The following NUP58 variants were observed in gnomAD, a reference collection of about 807,000 sequenced individuals.
NUP58 encodes the protein nucleoporin p58/p45.
In NUP58, 17 loss-of-function variants were observed where a neutral mutation model predicts 70.1. The observed-to-expected ratio is 0.24, with a 90% CI of 0.17 to 0.36. The LOEUF (loss-of-function observed/expected upper bound fraction) is 0.36. Among genes scored for constraint, NUP58 ranks in the 10% least tolerant of loss-of-function variants. NUP58 has a pLI of 1.00. For missense variants in NUP58, 644 were observed against 701.5 expected, an observed-to-expected ratio of 0.92 and a Z score of 0.93; for synonymous variants, 275 against 257.6, an observed-to-expected ratio of 1.07 and a Z score of -0.65.
intron 15 of NUP58, among the ~76,000 whole-genome samples, chr13:25,339,495 TATAAA>T (rs2031890426): frequency 1.3e-5 from 2 of 152,216 alleles, no homozygotes; most frequent in African/African-American, 4.8e-5. Flanking sequence ...CAAAAGCTCT[TATAAA>T]ATCAAAACAG....
At chr13:25,330,012 A>G (rs556129085) in intron 12 of NUP58, among the ~76,000 whole-genome samples, 2 of 152,162 alleles carry the variant, frequency 1.3e-5, no homozygotes, top group East Asian at 1.9e-4. Flanking sequence ...AACTTTTTGT[A>G]GAGAGGGGCA....
At chr13:25,345,969 C>A (rs770549920), downstream of NUP58, among the ~76,000 whole-genome samples, 4 of 150,712 alleles carry the variant, frequency 2.7e-5, no homozygotes, top group Admixed American at 2.6e-4. Context: ...ACCAGGCTTA[C>A]AAAGGTTTCA....
chr13:25,321,280 T>A (rs2031174987), intron 9 of NUP58, among the ~76,000 whole-genome samples, 187 bp downstream of exon 9: 1 of 152,214 alleles, frequency 6.6e-6, no homozygotes, highest in Non-Finnish European at 1.5e-5. Context: ...TACAAGACAG[T>A]ATCCTAAGCA....
intron 1 of NUP58, chr13:25,302,868 G>T (rs959604438): frequency 2.3e-6 from 1 of 433,616 alleles, no homozygotes; most frequent in Admixed American, 2.6e-5. Flanking sequence ...TACTCTACTC[G>T]CTCAACAACA....
chr13:25,345,814 C>T (rs2032042491), downstream of NUP58, among the ~76,000 whole-genome samples: 1 of 152,108 alleles, frequency 6.6e-6, no homozygotes, highest in Non-Finnish European at 1.5e-5. Flanking sequence ...GAATGAGAGG[C>T]CGCAACATAC....
At chr13:25,346,311 C>T (rs1374477992), downstream of NUP58, among the ~76,000 whole-genome samples, 1 of 152,074 alleles carries the variant, frequency 6.6e-6, no homozygotes, top group Non-Finnish European at 1.5e-5. Context: ...ATAATATCAC[C>T]ACTCAACTAG....
intron 1 of NUP58, chr13:25,303,269 C>A: frequency 2.7e-6 from 1 of 370,932 alleles, no homozygotes; most frequent in Non-Finnish European, 5.2e-6. Context: ...TCCACTTCTG[C>A]TGGAACCTCT....
At chr13:25,336,126 A>G in intron 13 of NUP58, 2 of 1,299,196 alleles carry the variant, frequency 1.5e-6, no homozygotes, top group Non-Finnish European at 2.0e-6. Flanking sequence ...GTTGGAAAGA[A>G]ACTTCTGAAT....
intron 13 of NUP58, chr13:25,334,411 A>G (rs1301661393): frequency 6.1e-6 from 6 of 985,256 alleles, no homozygotes; most frequent in Non-Finnish European, 7.2e-6. Flanking sequence ...GAGAGCCAAG[A>G]CGTTTTGTTA....
intron 5 of NUP58, among the ~76,000 whole-genome samples, chr13:25,314,985 G>A (rs943335877): frequency 2.0e-5 from 3 of 152,130 alleles, no homozygotes; most frequent in Non-Finnish European, 4.4e-5. Context: ...TCCAAAGTGT[G>A]TTTGTAAGAC....
At chr13:25,302,515 A>G (rs1030418238) in intron 1 of NUP58, among the ~76,000 whole-genome samples, 1 of 152,266 alleles carries the variant, frequency 6.6e-6, no homozygotes, top group Non-Finnish European at 1.5e-5. Context: ...TTTTACTTAA[A>G]TTACAAAACG....
chr13:25,312,803 A>G, intron 3 of NUP58, 80 bp from the exon 4 acceptor site: 1 of 1,390,986 alleles, frequency 7.2e-7, no homozygotes, highest in Non-Finnish European at 9.7e-7. Context: ...AAGGATCCTT[A>G]TTGAAACCAG....
intron 11 of NUP58, 116 bp from the exon 12 acceptor site, chr13:25,327,312 TAG>T (rs1488964695): frequency 1.1e-5 from 7 of 611,250 alleles, no homozygotes; most frequent in Non-Finnish European, 2.0e-5. Context: ...AGAACGTTGA[TAG>T]AGTTTTTTTC....
At chr13:25,314,151 T>A (rs963877254) in intron 5 of NUP58, among the ~76,000 whole-genome samples, 1 of 152,102 alleles carries the variant, frequency 6.6e-6, no homozygotes, top group African/African-American at 2.4e-5. Flanking sequence ...CAAGCTGGTC[T>A]CAAACTTCTG....
chr13:25,320,194 C>T (rs2031121921), intron 7 of NUP58: 1 of 174,592 alleles, frequency 5.7e-6, no homozygotes, highest in African/African-American at 2.4e-5. Flanking sequence ...AATCTTTAAG[C>T]CAGAGGGAAC....
chr13:25,305,352 G>A (rs144151110), intron 1 of NUP58, among the ~76,000 whole-genome samples: 87 of 151,598 alleles, frequency 5.7e-4, no homozygotes, highest in South Asian at 2.9e-3. Context: ...TTGTTTTTTC[G>A]GTAGAGAGAG....
intron 3 of NUP58, among the ~76,000 whole-genome samples, chr13:25,348,597 T>C (rs2032075367): frequency 6.6e-6 from 1 of 152,198 alleles, no homozygotes; most frequent in African/African-American, 2.4e-5. Flanking sequence ...TAAAGTTATA[T>C]ATGTGGATCG....
At chr13:25,336,832 T>C in intron 13 of NUP58, 104 bp from the exon 14 acceptor site, 1 of 719,938 alleles carries the variant, frequency 1.4e-6, no homozygotes, top group Non-Finnish European at 2.2e-6. Context: ...TTAAAAGTAA[T>C]CACTGTTCAT....
chr13:25,308,182 T>C (rs1414629190), intron 2 of NUP58: 1 of 374,436 alleles, frequency 2.7e-6, no homozygotes, highest in Non-Finnish European at 4.7e-6. Flanking sequence ...TAATTTAAAT[T>C]TTTGGATTAT....
Sources: allele counts gnomAD v4.1 joint callset (sites outside exome capture counted in the v4.1 genomes callset), GRCh38; gene constraint gnomAD v4.1.1; transcripts MANE v1.5; gene names NCBI Gene and HGNC (gene_info 2026-07-23, HGNC 2026-07-21).